The following PAFAH1B2 variants were observed in gnomAD, a reference collection of about 807,000 sequenced individuals.
PAFAH1B2 encodes the protein platelet activating factor acetylhydrolase 1b catalytic subunit 2.
PAFAH1B2 carries 8 observed loss-of-function variants against 28.0 expected under a neutral mutation model. That is an observed-to-expected ratio of 0.29 (90% CI 0.17 to 0.52). PAFAH1B2 has a LOEUF of 0.52. PAFAH1B2 is among the 20% of genes least tolerant of loss of function. The pLI, the probability that PAFAH1B2 is intolerant of heterozygous loss-of-function variation, is 0.97. For synonymous variants in PAFAH1B2, 104 were observed against 103.2 expected (o/e 1.01, Z -0.05); for missense variants, 190 against 282.6 (o/e 0.67, Z 2.35).
At position 117,169,391 on chromosome 11, in the gene PAFAH1B2, A is replaced by T. The variant is rs1956594110; in HGVS notation, c.*1692A>T. The stretch of plus-strand genomic sequence containing the variant: ...ATATTTTGAACTGGACCAGGTGGGT[A>T]TTGAAGTAACCCATCAAAATATGCT... On this transcript the variant is annotated 3_prime_UTR_variant, in exon 6 of 6. Transcript: ENST00000527958. 6 of 1,050,766 alleles carry T rather than the reference A, an allele frequency of 5.7e-6. No homozygotes were observed. Among genetic ancestry groups the T allele is most frequent in the Non-Finnish European group, 6.9e-6 (6 of 870,194 alleles). 65.1% of individuals were successfully genotyped at this position (1,050,766 alleles called of 1,614,324 possible).
At chr11:117,177,554 C>G (rs2030052949), downstream of PAFAH1B2, among the ~76,000 whole-genome samples, 1 of 152,182 alleles carries the variant, frequency 6.6e-6, no homozygotes, top group South Asian at 2.1e-4. Context: ...ATTTTTGAGA[C>G]AGAGTCTTGC....
chr11:117,163,967 T>C lies in PAFAH1B2; in HGVS notation c.411+75T>C, dbSNP rs114712909. 2,502 of 1,475,724 alleles carry C rather than the reference T, an allele frequency of 1.7e-3. 33 individuals carry two copies. In the African/African-American group the frequency reaches 0.031, roughly 18 times the overall value. 91.4% of individuals were successfully genotyped at this position (1,475,724 alleles called of 1,614,324 possible). A position where few individuals can be genotyped will look rare whatever the true frequency, so the allele number is the denominator to read the frequency against. ...GGAATCTTTTTAGAAATGTGATTGC[T>C]CATGAATATTAGAGAACCTTGAGGT... On this transcript the variant is annotated intron_variant, in intron 5 of 5. Coordinates refer to ENST00000527958, the MANE Select transcript of PAFAH1B2 (RefSeq NM_002572.4).
chr11:117,160,290 C>G (rs1000973678), intron 3 of PAFAH1B2, among the ~76,000 whole-genome samples: 1 of 152,106 alleles, frequency 6.6e-6, no homozygotes, highest in African/African-American at 2.4e-5. Context: ...TTTATATTTG[C>G]TCTACTCAGA....
intron 2 of PAFAH1B2, among the ~76,000 whole-genome samples, chr11:117,157,189 C>T (rs1050978030): frequency 4.6e-5 from 7 of 151,948 alleles, no homozygotes; most frequent in African/African-American, 1.7e-4. Context: ...TTTTAAAATA[C>T]GTGTTTGCAC....
intron 2 of PAFAH1B2, among the ~76,000 whole-genome samples, chr11:117,156,532 G>A (rs1956258714): frequency 6.6e-6 from 1 of 152,150 alleles, no homozygotes; most frequent in Non-Finnish European, 1.5e-5. Flanking sequence ...CATGAAAAAA[G>A]ATGAGGAGAA....
At chr11:117,174,205 T>TGTGTGTGTGTGTGTGG (rs1491369777), downstream of PAFAH1B2, among the ~76,000 whole-genome samples, 1 of 147,456 alleles carries the variant, frequency 6.8e-6, no homozygotes, top group Non-Finnish European at 1.5e-5. Flanking sequence ...TGTGTGTGTG[T>TGTGTGTGTGTGTGTGG]GGCAGTTTCA....
At chr11:117,147,634 A>G (rs1956045555) in intron 1 of PAFAH1B2, among the ~76,000 whole-genome samples, 1 of 152,212 alleles carries the variant, frequency 6.6e-6, no homozygotes, top group African/African-American at 2.4e-5. Flanking sequence ...GGTGTTTAAA[A>G]ATGTTACCAA....
At position 117,168,650 on chromosome 11, in the gene PAFAH1B2, T is replaced by C; in HGVS notation, c.*951T>C. ...TCATATTCGGAGTTCTGGTTTTGTT[T>C]TTCCCTTAAAACCTGTTAACAGTTT... is the stretch of plus-strand genomic sequence containing the variant. On this transcript the variant is annotated 3_prime_UTR_variant, in exon 6 of 6. Transcript: ENST00000527958. 1 of 1,063,196 alleles carries C rather than the reference T, an allele frequency of 9.4e-7. No individual in the cohort carries two copies. Among genetic ancestry groups the C allele is most frequent in the Non-Finnish European group, 1.1e-6 (1 of 878,056 alleles). The allele number at this position is 1,063,196 out of a possible 1,614,324, so 65.9% of individuals were successfully genotyped here. A position where few individuals can be genotyped will look rare whatever the true frequency, so the allele number is the denominator to read the frequency against.
At chr11:117,175,144 C>A (rs2029902658), downstream of PAFAH1B2, 1 of 1,194,000 alleles carries the variant, frequency 8.4e-7, no homozygotes, top group Non-Finnish European at 1.0e-6. Context: ...ATGGCCCCAC[C>A]CTGACCGCTT....
At chr11:117,164,598 T>A (rs1956458358) in intron 5 of PAFAH1B2, among the ~76,000 whole-genome samples, 1 of 152,192 alleles carries the variant, frequency 6.6e-6, no homozygotes. Flanking sequence ...ATTCTAATCT[T>A]CTCTAAAACA....
chr11:117,167,528 G>A lies in PAFAH1B2; in HGVS notation c.519G>A (p.Leu173=), dbSNP rs1339900748. 2 of 1,613,192 alleles carry A rather than the reference G, an allele frequency of 1.2e-6. No homozygotes were observed. The highest frequency in any genetic ancestry group is 2.2e-5 in the South Asian group (2 of 90,774). Residue 173 remains leucine (L), a synonymous_variant, in exon 6 of 6, where the codon CTG becomes CTA. Transcript: ENST00000527958. ...CGAAGCTTGCCAACGTGCAGCTCCT[G>A]GATACCGACGGGGGTTTTGTGCACT... ...SLPKLANVQL[L]DTDGGFVHSD...
chr11:117,144,559 G>GT, intron 1 of PAFAH1B2, 141 bp downstream of exon 1: 1 of 175,676 alleles, frequency 5.7e-6, no homozygotes, highest in African/African-American at 2.4e-5. Context: ...CATCCACTTG[G>GT]GGGGGGCCTC....
downstream of PAFAH1B2, chr11:117,171,122 T>C (rs910290753): frequency 3.8e-5 from 36 of 949,702 alleles, no homozygotes; most frequent in African/African-American, 7.0e-5. Flanking sequence ...CCCTGCCTTA[T>C]CATAAGGAAA....
At chr11:117,159,751 A>G in intron 2 of PAFAH1B2, 183 bp from the exon 3 acceptor site, 1 of 516,494 alleles carries the variant, frequency 1.9e-6, no homozygotes, top group South Asian at 3.0e-5. Context: ...AAAAAAAAAA[A>G]GAAAGAAAAA....
chr11:117,160,226 A>G (rs1232795691), intron 3 of PAFAH1B2, among the ~76,000 whole-genome samples: 2 of 152,222 alleles, frequency 1.3e-5, no homozygotes, highest in Non-Finnish European at 2.9e-5. Context: ...AGCATTGTTT[A>G]TAATGAAACT....
intron 4 of PAFAH1B2, 46 bp from the exon 5 acceptor site, chr11:117,163,723 TC>T (rs1956431411): frequency 3.1e-6 from 5 of 1,589,664 alleles, no homozygotes; most frequent in Admixed American, 1.7e-5. Context: ...GTTCCTTTGT[TC>T]CTGGGTATTT....
intron 2 of PAFAH1B2, 198 bp from the exon 3 acceptor site, chr11:117,159,736 G>GAA (rs369169854): frequency 4.7e-3 from 1,875 of 399,540 alleles, no homozygotes; most frequent in South Asian, 8.2e-3. Context: ...CGCTGTCTTA[G>GAA]AAAAAAAAAA....
In PAFAH1B2 at chr11:117,171,013, A is replaced by C; in HGVS notation, c.*3314A>C. The C allele has an allele frequency of 9.6e-7, 1 of 1,038,216 alleles. No homozygotes were observed. The highest frequency in any genetic ancestry group is 1.2e-6 in the Non-Finnish European group (1 of 862,044). The allele number at this position is 1,038,216 out of a possible 1,614,324, so 64.3% of individuals were successfully genotyped here. A position where few individuals can be genotyped will look rare whatever the true frequency, so the allele number is the denominator to read the frequency against. Reference sequence around the variant, plus strand: ...AGTAGAACTCATTCTGTTTTAGTGTATATTTCAATATAAATGTAAACATTT... The same window carrying C: ...AGTAGAACTCATTCTGTTTTAGTGTCTATTTCAATATAAATGTAAACATTT... On this transcript the variant is annotated 3_prime_UTR_variant, in exon 6 of 6. Coordinates refer to ENST00000527958, the MANE Select transcript of PAFAH1B2 (RefSeq NM_002572.4).
At position 117,152,442 on chromosome 11, in the gene PAFAH1B2, T is replaced by C. The variant is rs1201060712; in HGVS notation, c.-6T>C. 7 of 1,607,002 alleles carry C rather than the reference T, an allele frequency of 4.4e-6. No individual in the cohort carries two copies. The Admixed American group carries it at 8.3e-5, about 19-fold the overall frequency. On this transcript the variant is annotated splice_region_variant and 5_prime_UTR_variant, in exon 2 of 6. Coordinates refer to ENST00000527958, the MANE Select transcript of PAFAH1B2 (RefSeq NM_002572.4). ...CATGACATAGACGTTTTTTCTCAGG[T>C]GTAGAATGAGCCAAGGAGACTCAAA...
Sources: gnomAD v4.1 joint callset for allele counts (sites outside exome capture counted in the v4.1 genomes callset) on GRCh38, gnomAD v4.1.1 for gene constraint, MANE v1.5 for transcripts, NCBI Gene and HGNC (gene_info 2026-07-23, HGNC 2026-07-21) for gene names.